The following RAP1B variants were observed in gnomAD, a reference collection of about 807,000 sequenced individuals.
RAP1B encodes the protein RAP1B, member of RAS oncogene family, also known as ras-related protein Rap-1b.
A neutral mutation model predicts 27.5 loss-of-function variants in RAP1B; 1 was observed. That is an observed-to-expected ratio of 0.04 (90% CI 0.01 to 0.17). The LOEUF (loss-of-function observed/expected upper bound fraction) is 0.17. RAP1B is among the 10% of genes least tolerant of loss of function. The pLI is 1.00. For missense variants in RAP1B, 84 were observed against 214.8 expected, an observed-to-expected ratio of 0.39 and a Z score of 3.81; for synonymous variants, 75 against 73.1, an observed-to-expected ratio of 1.03 and a Z score of -0.13.
intron 6 of RAP1B, 142 bp from the exon 7 acceptor site, chr12:68,656,959 C>T: frequency 1.4e-6 from 1 of 732,136 alleles, no homozygotes; most frequent in South Asian, 1.9e-5. Flanking sequence ...GTTATAACAC[C>T]TGATTTTATT....
chr12:68,616,852 A>G (rs991936400), intron 1 of RAP1B, among the ~76,000 whole-genome samples: 1 of 152,196 alleles, frequency 6.6e-6, no homozygotes, highest in African/African-American at 2.4e-5. Context: ...GGCATGAGCC[A>G]CTGTGCCTGG....
chr12:68,610,932 T>G lies in RAP1B; in HGVS notation c.-138T>G, dbSNP rs1260786620. On this transcript the variant is annotated 5_prime_UTR_variant, in exon 1 of 8. Coordinates refer to ENST00000250559, the MANE Select transcript of RAP1B (RefSeq NM_001010942.3). ...CAAACCTCGCCCAGATTCAGGCGTG[T>G]AAACCAGCCGGAGCGGCGCGGCAGC... 5 of 308,800 alleles carry G rather than the reference T, an allele frequency of 1.6e-5. No homozygotes were observed. Among genetic ancestry groups the G allele is most frequent in the Non-Finnish European group, 2.4e-5 (4 of 167,482 alleles). The allele number at this position is 308,800 out of a possible 1,614,324, so 19.1% of individuals were successfully genotyped here.
At chr12:68,653,308 C>G (rs919219106) in intron 4 of RAP1B, among the ~76,000 whole-genome samples, 3 of 152,110 alleles carry the variant, frequency 2.0e-5, no homozygotes, top group South Asian at 4.1e-4. Context: ...AAGATTTGTT[C>G]TCGGTGTATG....
intron 1 of RAP1B, among the ~76,000 whole-genome samples, chr12:68,646,487 G>T (rs1039286181): frequency 2.0e-5 from 3 of 152,118 alleles, no homozygotes; most frequent in Non-Finnish European, 4.4e-5. Flanking sequence ...GTAGAAACGG[G>T]GTTTCACCAT....
chr12:68,624,215 CT>C (rs1871588434), intron 1 of RAP1B, among the ~76,000 whole-genome samples: 1 of 152,112 alleles, frequency 6.6e-6, no homozygotes, highest in Non-Finnish European at 1.5e-5. Flanking sequence ...GGTGATGAGT[CT>C]TTAGGGTATG....
At chr12:68,622,172 G>T (rs1411702525) in intron 1 of RAP1B, among the ~76,000 whole-genome samples, 1 of 152,180 alleles carries the variant, frequency 6.6e-6, no homozygotes, top group African/African-American at 2.4e-5. Flanking sequence ...TGTAGAGAAA[G>T]TTGGACTAAA....
intron 1 of RAP1B, among the ~76,000 whole-genome samples, chr12:68,632,136 T>G (rs550274786): frequency 1.7e-4 from 23 of 134,242 alleles, no homozygotes; most frequent in Admixed American, 7.1e-4. Flanking sequence ...TTTGTTTTTT[T>G]TTTTTTTTTG....
intron 1 of RAP1B, among the ~76,000 whole-genome samples, chr12:68,640,078 A>T (rs2135946370): frequency 6.6e-6 from 1 of 152,192 alleles, no homozygotes; most frequent in Non-Finnish European, 1.5e-5. Context: ...TGACCTCGTG[A>T]TCCACCCACC....
At chr12:68,647,375 A>ACCCCCCC (rs1873488204) in intron 1 of RAP1B, among the ~76,000 whole-genome samples, 1 of 7,362 alleles carries the variant, frequency 1.4e-4, no homozygotes, top group Non-Finnish European at 2.4e-4. Context: ...CCTGCCCCCC[A>ACCCCCCC]CTCCACTCCC....
At chr12:68,611,392 C>T (rs867317988) in intron 1 of RAP1B, among the ~76,000 whole-genome samples, 59 of 138,508 alleles carry the variant, frequency 4.3e-4, no homozygotes, top group Non-Finnish European at 6.8e-4. Context: ...GCCGCAGCTT[C>T]TCCCGCCGCC....
intron 1 of RAP1B, among the ~76,000 whole-genome samples, chr12:68,612,254 C>T (rs1482354734): frequency 1.3e-5 from 2 of 152,168 alleles, no homozygotes; most frequent in Non-Finnish European, 2.9e-5. Flanking sequence ...TTTTTCAGCT[C>T]TCTTTTTTCG....
At chr12:68,611,394 C>G (rs1475237792) in intron 1 of RAP1B, among the ~76,000 whole-genome samples, 1 of 140,462 alleles carries the variant, frequency 7.1e-6, no homozygotes, top group Non-Finnish European at 1.5e-5. Flanking sequence ...CGCAGCTTCT[C>G]CCGCCGCCCT....
intron 1 of RAP1B, among the ~76,000 whole-genome samples, chr12:68,611,262 A>C (rs901748281): frequency 1.1e-4 from 17 of 149,246 alleles, no homozygotes; most frequent in Non-Finnish European, 1.9e-4. Context: ...GAGGAGGAGC[A>C]GCCGCCGCCG....
intron 1 of RAP1B, among the ~76,000 whole-genome samples, chr12:68,628,796 G>A (rs1476549011): frequency 2.0e-5 from 3 of 152,146 alleles, no homozygotes; most frequent in Admixed American, 6.5e-5. Flanking sequence ...TAGTTTTACA[G>A]TTACACTAAC....
At chr12:68,627,268 A>G (rs1280878272) in intron 1 of RAP1B, 2 of 913,490 alleles carry the variant, frequency 2.2e-6, no homozygotes, top group East Asian at 4.8e-5. Flanking sequence ...CAACCCATAC[A>G]ATACAACACA....
Position 68,669,870 on chromosome 12 carries a change from T to C in RAP1B, c.*10621T>C. The C allele has an allele frequency of 6.6e-6, 1 of 151,544 alleles. No individual in the cohort carries two copies. The allele number at this position is 151,544 out of a possible 1,614,324, so 9.4% of individuals were successfully genotyped here. A position where few individuals can be genotyped will look rare whatever the true frequency, so the allele number is the denominator to read the frequency against. ...TTCAAGTGAAAGAGTAGAGTAGAAC[T>C]GAGTCCAGAACTAGATTCCAGTATA... On this transcript the variant is annotated 3_prime_UTR_variant, in exon 8 of 8. Coordinates refer to ENST00000250559, the MANE Select transcript of RAP1B (RefSeq NM_001010942.3).
intron 1 of RAP1B, among the ~76,000 whole-genome samples, chr12:68,618,212 G>C (rs549441460): frequency 7.2e-4 from 104 of 143,526 alleles, no homozygotes; most frequent in South Asian, 1.4e-3. Flanking sequence ...TCAGCCTCTC[G>C]AGTAGCTGGG....
chr12:68,616,330 G>A (rs191969940), intron 1 of RAP1B, among the ~76,000 whole-genome samples: 12 of 151,816 alleles, frequency 7.9e-5, no homozygotes, highest in Admixed American at 5.9e-4. Flanking sequence ...TGTCAGTCAG[G>A]CTGGAGTGCA....
At chr12:68,623,936 G>A (rs1011214073) in intron 1 of RAP1B, among the ~76,000 whole-genome samples, 7 of 151,892 alleles carry the variant, frequency 4.6e-5, no homozygotes, top group South Asian at 4.2e-4. Flanking sequence ...CGGGAGAATC[G>A]CTTGAACCCA....
Sources: gnomAD v4.1 joint callset for allele counts (sites outside exome capture counted in the v4.1 genomes callset) on GRCh38, gnomAD v4.1.1 for gene constraint, MANE v1.5 for transcripts, NCBI Gene and HGNC (gene_info 2026-07-23, HGNC 2026-07-21) for gene names.